The following PHTF1 variants were observed in gnomAD, a reference collection of about 807,000 sequenced individuals.
PHTF1 encodes the protein protein PHTF1.
PHTF1 carries 88 observed loss-of-function variants against 102.4 expected under a neutral mutation model. That is an observed-to-expected ratio of 0.86 (90% CI 0.72 to 1.03). The LOEUF (loss-of-function observed/expected upper bound fraction) is 1.03. PHTF1 is among the 50% of genes least tolerant of loss of function. The pLI is 0.00. For synonymous variants in PHTF1, 289 were observed against 305.2 expected (o/e 0.95, Z 0.55); for missense variants, 814 against 909.5 (o/e 0.89, Z 1.35).
rs1651484046 is a variant in PHTF1, at chr1:113,713,458, A to ATCTTCTTTTCCT, written c.624-21_624-20insAGGAAAAGAAGA. ...TTAATCCTATTTTTTAAAAAAGGAA[A>ATCTTCTTTTCCT]AGAAGATTAATTTTTTGAAAGTAAC... On this transcript the variant is annotated intron_variant, in intron 7 of 18. Transcript: ENST00000369604. The ATCTTCTTTTCCT allele has an allele frequency of 7.2e-7, 1 of 1,385,888 alleles. No individual in the cohort carries two copies. The highest frequency in any genetic ancestry group is 1.0e-6 in the Non-Finnish European group (1 of 1,000,628). The allele number at this position is 1,385,888 out of a possible 1,614,324, so 85.8% of individuals were successfully genotyped here.
At position 113,759,021 on chromosome 1, in the gene PHTF1, A is replaced by C. The variant is rs1659309449; in HGVS notation, c.-31+2T>G. 1 of 1,044,424 alleles carries C rather than the reference A, an allele frequency of 9.6e-7. No individual in the cohort carries two copies. Among genetic ancestry groups the C allele is most frequent in the Non-Finnish European group, 1.2e-6 (1 of 869,450 alleles). The allele number at this position is 1,044,424 out of a possible 1,614,324, so 64.7% of individuals were successfully genotyped here. On this transcript the variant is annotated splice_donor_variant, in intron 1 of 18. Coordinates refer to ENST00000369604, the MANE Select transcript of PHTF1 (RefSeq NM_001323043.2). LOFTEE classifies it low-confidence loss of function (5UTR_SPLICE). ...CTTCGCTCGCCCGCGTCCGGCTCTC[A>C]CCTAGTGCCCGTTGCCCCGCGGGCC...
rs562492762 is a variant in PHTF1 at position 113,738,256 on chromosome 1, G to A, written c.185C>T (p.Ala62Val). 3.0e-5 allele frequency: 48 copies of A among 1,613,364 alleles called. No homozygotes were observed. In the South Asian group the frequency reaches 4.7e-4, roughly 16 times the overall value. Reference protein sequence around the residue: ...DVDLIRGSTFAKAKPEIPWTS... With the variant: ...DVDLIRGSTFVKAKPEIPWTS... ...CCATGGAATTTCAGGTTTTGCTTTGGCAAATGTTGACCCTTTAAACATACA... is the reference window on the plus strand; with the variant it reads ...CCATGGAATTTCAGGTTTTGCTTTGACAAATGTTGACCCTTTAAACATACA... Residue 62 changes from alanine to valine, a missense_variant, in exon 5 of 19, where the codon GCC (alanine) becomes GTC (valine). Ala to Val is a moderately conservative substitution (Grantham distance 64). Transcript: ENST00000369604.
chr1:113,729,844 G>A (rs1288517813), intron 5 of PHTF1, among the ~76,000 whole-genome samples: 1 of 152,080 alleles, frequency 6.6e-6, no homozygotes, highest in Non-Finnish European at 1.5e-5. Flanking sequence ...CATCAATCAG[G>A]CCTAAATAAT....
chr1:113,711,244 A>G (rs1024196182), intron 10 of PHTF1, among the ~76,000 whole-genome samples: 1 of 152,074 alleles, frequency 6.6e-6, no homozygotes, highest in South Asian at 2.1e-4. Flanking sequence ...TAAATATGAA[A>G]GTTATTCCAT....
chr1:113,719,053 T>G (rs1181746808), intron 7 of PHTF1, among the ~76,000 whole-genome samples: 1 of 151,818 alleles, frequency 6.6e-6, no homozygotes, highest in Non-Finnish European at 1.5e-5. Context: ...CAGGCTGGAG[T>G]GCAGTGGCGT....
chr1:113,730,038 T>C (rs1654412975), intron 5 of PHTF1, among the ~76,000 whole-genome samples: 1 of 152,192 alleles, frequency 6.6e-6, no homozygotes, highest in African/African-American at 2.4e-5. Context: ...AGTTTAGCAC[T>C]TTCTGAAGTT....
At chr1:113,701,877 T>TGATAAAATA (rs1281593717) in intron 15 of PHTF1, among the ~76,000 whole-genome samples, 1 of 62,334 alleles carries the variant, frequency 1.6e-5, no homozygotes, top group African/African-American at 5.9e-5. Flanking sequence ...GAAGTGAAAG[T>TGATAAAATA]GATAAAATAT....
At chr1:113,712,178 T>G in intron 8 of PHTF1, 65 bp from the exon 9 acceptor site, 1 of 1,309,208 alleles carries the variant, frequency 7.6e-7, no homozygotes, top group Non-Finnish European at 1.1e-6. Context: ...GCTGCATGTG[T>G]AAAAACAAAA....
At chr1:113,751,357 C>G (rs990092258) in intron 3 of PHTF1, among the ~76,000 whole-genome samples, 1 of 152,124 alleles carries the variant, frequency 6.6e-6, no homozygotes, top group African/African-American at 2.4e-5. Context: ...ATTTCCATCA[C>G]CTCAAAAAGT....
chr1:113,758,514 C>CTTTTTTTTTT (rs200794989), intron 2 of PHTF1, 145 bp downstream of exon 2: 4 of 315,814 alleles, frequency 1.3e-5, no homozygotes, highest in Non-Finnish European at 5.6e-6. Context: ...CCTTGTACAT[C>CTTTTTTTTTT]TTTTTTTTTT....
chr1:113,742,940 C>T (rs1656647098), intron 3 of PHTF1, among the ~76,000 whole-genome samples: 1 of 152,096 alleles, frequency 6.6e-6, no homozygotes, highest in African/African-American at 2.4e-5. Flanking sequence ...CTCAAGCAAT[C>T]CTCCTACCTC....
At chr1:113,743,879 G>A (rs1435992927) in intron 3 of PHTF1, among the ~76,000 whole-genome samples, 4 of 152,024 alleles carry the variant, frequency 2.6e-5, no homozygotes, top group African/African-American at 7.2e-5. Flanking sequence ...CTCACTTTAC[G>A]GATAAGGCAA....
chr1:113,742,796 ATAGGC>A (rs1336329065), intron 3 of PHTF1, among the ~76,000 whole-genome samples: 1 of 152,162 alleles, frequency 6.6e-6, no homozygotes, highest in Non-Finnish European at 1.5e-5. Context: ...CACCATAAAC[ATAGGC>A]TACACATTTT....
chr1:113,709,087 T>C (rs1409302507), intron 11 of PHTF1, among the ~76,000 whole-genome samples: 1 of 151,950 alleles, frequency 6.6e-6, no homozygotes, highest in Non-Finnish European at 1.5e-5. Context: ...CGACCCTGTC[T>C]CTACAAAAAA....
intron 6 of PHTF1, 40 bp downstream of exon 6, chr1:113,726,378 C>T: frequency 1.4e-6 from 2 of 1,387,064 alleles, no homozygotes; most frequent in East Asian, 2.4e-5. Context: ...CAATAACTCT[C>T]CCAGAAAATA....
At chr1:113,707,832 A>T (rs1183493576) in intron 11 of PHTF1, among the ~76,000 whole-genome samples, 1 of 152,236 alleles carries the variant, frequency 6.6e-6, no homozygotes, top group Non-Finnish European at 1.5e-5. Flanking sequence ...TTAGGAGTAT[A>T]TAAGAAAGGC....
chr1:113,746,877 G>C, intron 3 of PHTF1: 1 of 892,960 alleles, frequency 1.1e-6, no homozygotes, highest in Non-Finnish European at 1.3e-6. Flanking sequence ...ATACATCCTA[G>C]CTATTTCTTC....
intron 5 of PHTF1, among the ~76,000 whole-genome samples, chr1:113,727,096 A>G (rs1426604641): frequency 3.3e-5 from 5 of 152,140 alleles, no homozygotes; most frequent in African/African-American, 1.2e-4. Flanking sequence ...AAATGTTTAA[A>G]GAAGTAAATG....
At chr1:113,758,530 T>G (rs899791282) in intron 2 of PHTF1, 129 bp downstream of exon 2, 6 of 418,382 alleles carry the variant, frequency 1.4e-5, no homozygotes, top group African/African-American at 1.3e-4. Flanking sequence ...TTTTTTTTTT[T>G]CATTTATGTT....
Sources: gnomAD v4.1 joint callset for allele counts (sites outside exome capture counted in the v4.1 genomes callset) on GRCh38, gnomAD v4.1.1 for gene constraint, MANE v1.5 for transcripts, NCBI Gene and HGNC (gene_info 2026-07-23, HGNC 2026-07-21) for gene names.